GRIN2A: variants seen among roughly 807,000 people sequenced by gnomAD.
GRIN2A encodes the protein glutamate ionotropic receptor NMDA type subunit 2A.
A neutral mutation model predicts 113.4 loss-of-function variants in GRIN2A; 22 were observed. The observed-to-expected ratio is 0.19, with a 90% CI of 0.14 to 0.28. The LOEUF (loss-of-function observed/expected upper bound fraction) is 0.28, where lower values mean the gene tolerates loss of function less well. Ranked by LOEUF, GRIN2A falls within the 10% of genes least tolerant of loss-of-function variation. GRIN2A has a pLI of 1.00. For missense variants in GRIN2A, 1,502 were observed against 1,887.0 expected (o/e 0.80, Z 3.78); for synonymous variants, 827 against 738.4 (o/e 1.12, Z -1.94).
At position 10,180,324 on chromosome 16, in the gene GRIN2A, C is replaced by A; in HGVS notation, c.88G>T (p.Gly30Cys). The change falls in exon 2 of 13, where the codon GGT (glycine) becomes TGT (cysteine). Residue 30 changes from glycine (G) to cysteine (C), a missense_variant. By Grantham distance (159) the Gly-to-Cys change is radical. This residue lies in a region of GRIN2A where 149 missense variants were observed against 179.1 expected (regional missense o/e 0.83). Transcript: ENST00000330684. This position sits in a 1 kb window ranked among gnomAD's most constrained non-coding sequence, Gnocchi z 7.0. ...GPAPSAAAEK[G>C]PPALNIAVML... ...ACCGCAATATTTAGCGCGGGGGGAC[C>A]CTTCTCCGCCGCCGCGCTCGGCGCC... is the stretch of plus-strand genomic sequence containing the variant. The A allele has an allele frequency of 6.2e-7, 1 of 1,610,068 alleles. No individual in the cohort carries two copies. The highest frequency in any genetic ancestry group is 8.5e-7 in the Non-Finnish European group (1 of 1,179,900).
rs751186803 is a variant in GRIN2A, at chr16:9,764,654, G to C, written c.2890C>G (p.Gln964Glu). The change falls in exon 13 of 13, where the codon CAA (glutamine) becomes GAA (glutamate). Residue 964 changes from glutamine to glutamate, a missense_variant. Gln to Glu is a conservative substitution (Grantham distance 29). Coordinates refer to ENST00000330684, the MANE Select transcript of GRIN2A (RefSeq NM_001134407.3). The stretch of plus-strand genomic sequence containing the variant: ...TTCTGCCGGTTGGCCACAAATGTTT[G>C]GAGTTCGTTCATGTTGTCTCCAAAA... ...SIFGDNMNEL[Q>E]TFVANRQKDN... 1.3e-5 allele frequency: 21 copies of C among 1,614,150 alleles called. No individual in the cohort carries two copies. In the East Asian group the frequency reaches 4.7e-4, roughly 36 times the overall value.
intron 3 of GRIN2A, among the ~76,000 whole-genome samples, chr16:9,923,598 T>C (rs1373074314): frequency 2.0e-5 from 3 of 152,252 alleles, no homozygotes; most frequent in African/African-American, 4.8e-5. Flanking sequence ...TAGTGGTTTG[T>C]TTAGAGTTTA....
intron 2 of GRIN2A, among the ~76,000 whole-genome samples, chr16:10,059,853 C>T (rs947225149): frequency 7.9e-5 from 12 of 151,950 alleles, no homozygotes; most frequent in Admixed American, 2.6e-4. Context: ...GTCAGGGAAA[C>T]GGAAACCACT....
chr16:10,089,916 G>A (rs1181547696), intron 2 of GRIN2A, among the ~76,000 whole-genome samples: 1 of 152,122 alleles, frequency 6.6e-6, no homozygotes, highest in Non-Finnish European at 1.5e-5. Flanking sequence ...TCAAGTAGTA[G>A]TGATCATATC....
rs112196612 is a variant in GRIN2A, at chr16:10,058,369, A to G, written c.415-119818T>C. Among the ~76,000 whole-genome samples, 155 of 152,246 alleles carry G rather than the reference A, an allele frequency of 1.0e-3. 2 individuals carry two copies. Among genetic ancestry groups the G allele is most frequent in the Admixed American group, 3.9e-4 (6 of 15,282 alleles). On this transcript the variant is annotated intron_variant, in intron 2 of 12. Coordinates refer to ENST00000330684, the MANE Select transcript of GRIN2A (RefSeq NM_001134407.3). Reference sequence around the variant, plus strand: ...CAAATTATATCAAAATACAGTCATAATGATGTTTTAAAACAAACTTGTGTT... The same window carrying G: ...CAAATTATATCAAAATACAGTCATAGTGATGTTTTAAAACAAACTTGTGTT...
At chr16:9,900,992 C>T (rs896757395) in intron 3 of GRIN2A, among the ~76,000 whole-genome samples, 25 of 152,314 alleles carry the variant, frequency 1.6e-4, no homozygotes, top group African/African-American at 5.5e-4. Flanking sequence ...TGTTGCTCTT[C>T]CAACCAAAAA....
At chr16:9,820,886 G>A (rs2042269564) in intron 10 of GRIN2A, among the ~76,000 whole-genome samples, 1 of 152,176 alleles carries the variant, frequency 6.6e-6, no homozygotes, top group Non-Finnish European at 1.5e-5. Context: ...AAACCAGAAT[G>A]AGCACTGTGG....
chr16:10,052,141 G>C (rs1385952871), intron 2 of GRIN2A, among the ~76,000 whole-genome samples: 1 of 152,172 alleles, frequency 6.6e-6, no homozygotes, highest in African/African-American at 2.4e-5. Context: ...AAATTCAAGA[G>C]GTCATTAAAT....
chr16:10,123,229 C>T (rs1041287023), intron 2 of GRIN2A, among the ~76,000 whole-genome samples: 11 of 152,112 alleles, frequency 7.2e-5, no homozygotes, highest in Non-Finnish European at 2.9e-5. Flanking sequence ...ATTGTGTTTG[C>T]CAAAACTTCC....
chr16:10,006,372 G>T (rs562355824), intron 2 of GRIN2A, among the ~76,000 whole-genome samples: 1 of 152,252 alleles, frequency 6.6e-6, no homozygotes, highest in Admixed American at 6.5e-5. Context: ...GACAAAATGG[G>T]CCATGAGATA....
intron 2 of GRIN2A, among the ~76,000 whole-genome samples, chr16:9,950,695 G>A (rs116740895): frequency 1.6e-3 from 244 of 152,260 alleles, no homozygotes; most frequent in African/African-American, 5.1e-3. Context: ...AGTGGAAGGC[G>A]CAAGGATTTT....
intron 2 of GRIN2A, among the ~76,000 whole-genome samples, chr16:10,173,398 G>A (rs940091667): frequency 6.6e-6 from 1 of 152,170 alleles, no homozygotes; most frequent in South Asian, 2.1e-4. Flanking sequence ...TTCTCTACAG[G>A]CCTTTCGTAT....
chr16:9,793,391 A>AT (rs942250758), intron 11 of GRIN2A, among the ~76,000 whole-genome samples: 2 of 152,058 alleles, frequency 1.3e-5, no homozygotes, highest in East Asian at 1.9e-4. Context: ...CCCCACAATC[A>AT]TTTTTTTGAA....
chr16:9,989,957 A>G (rs548158410), intron 2 of GRIN2A, among the ~76,000 whole-genome samples: 11 of 152,348 alleles, frequency 7.2e-5, no homozygotes, highest in African/African-American at 2.6e-4. Flanking sequence ...GTTCAGCCCC[A>G]GTGGAAAGTA....
intron 3 of GRIN2A, among the ~76,000 whole-genome samples, chr16:9,921,943 T>A (rs955270923): frequency 6.6e-6 from 1 of 152,254 alleles, no homozygotes; most frequent in Non-Finnish European, 1.5e-5. Flanking sequence ...GTAATTTATT[T>A]TGATTTTGTA....
At chr16:10,175,354 G>C (rs1035792499) in intron 2 of GRIN2A, among the ~76,000 whole-genome samples, 1 of 152,240 alleles carries the variant, frequency 6.6e-6, no homozygotes, top group Non-Finnish European at 1.5e-5. Context: ...CAGAATTAAA[G>C]AAAATCTTGA....
rs771168389 is a variant in GRIN2A at position 9,937,987 on chromosome 16, G to C, written c.979C>G (p.Pro327Ala). 4 of 1,613,724 alleles carry C rather than the reference G, an allele frequency of 2.5e-6. 1 individual carries two copies. The highest frequency in any genetic ancestry group is 3.4e-6 in the Non-Finnish European group (4 of 1,179,834). Residue 327 changes from proline to alanine, a missense_variant, in exon 3 of 13, where the codon CCA becomes GCA. This residue lies in a region of GRIN2A where 334 missense variants were observed against 403.0 expected (regional missense o/e 0.83). Coordinates refer to ENST00000330684, the MANE Select transcript of GRIN2A (RefSeq NM_001134407.3). ...TGCAAGGTGTGCATCGGGACCTCTG[G>C]CCTCTCCATCTGCCCGTAGCAGCTG... ...KASCYGQMERPEVPMHTLHPF... is the reference protein window; with the variant it reads ...KASCYGQMERAEVPMHTLHPF...
chr16:10,166,959 T>G (rs1308580443), intron 2 of GRIN2A, among the ~76,000 whole-genome samples: 4 of 152,224 alleles, frequency 2.6e-5, no homozygotes, highest in African/African-American at 9.6e-5. Flanking sequence ...ATCTACTATA[T>G]AATACATATA....
At chr16:9,810,758 G>A (rs1031720861) in intron 10 of GRIN2A, among the ~76,000 whole-genome samples, 15 of 152,188 alleles carry the variant, frequency 9.9e-5, no homozygotes, top group African/African-American at 3.6e-4. Context: ...TTCTGTTGTT[G>A]CAACCCACCA....
Sources: gnomAD v4.1 joint callset for allele counts (sites outside exome capture counted in the v4.1 genomes callset) on GRCh38, gnomAD v4.1.1 for gene constraint, gnomAD v4.1.1 regional missense constraint, Gnocchi (gnomAD v3.1) non-coding constraint, MANE v1.5 for transcripts, NCBI Gene and HGNC (gene_info 2026-07-23, HGNC 2026-07-21) for gene names.